Variants in BDNF observed in about 807,000 individuals in gnomAD.
The protein encoded by BDNF is brain derived neurotrophic factor.
BDNF carries 1 observed loss-of-function variant against 19.5 expected under a neutral mutation model. That is an observed-to-expected ratio of 0.05 (90% CI 0.02 to 0.24). The LOEUF (loss-of-function observed/expected upper bound fraction) is 0.24, where lower values mean the gene tolerates loss of function less well. BDNF is among the 10% of genes least tolerant of loss of function. The probability of loss-of-function intolerance (pLI) is 1.00; values close to 1 mark genes in which losing one functional copy is unlikely to be tolerated. For synonymous variants in BDNF, 100 were observed against 121.6 expected (o/e 0.82, Z 1.17); for missense variants, 195 against 317.6 (o/e 0.61, Z 2.93).
At chr11:27,674,818 G>A (rs771382101) in intron 1 of BDNF, 1 of 945,056 alleles carries the variant, frequency 1.1e-6, no homozygotes, top group Admixed American at 6.2e-5. Flanking sequence ...TTACATAGTT[G>A]CTATAATAAA....
intron 1 of BDNF, among the ~76,000 whole-genome samples, chr11:27,718,362 C>CCA (rs1246181540): frequency 2.8e-5 from 4 of 145,086 alleles, no homozygotes; most frequent in Admixed American, 6.8e-5. Context: ...CCACCCCCCC[C>CCA]CGCCCCTCCC....
intron 1 of BDNF, among the ~76,000 whole-genome samples, chr11:27,687,348 A>G (rs1857611981): frequency 6.6e-6 from 1 of 152,128 alleles, no homozygotes; most frequent in South Asian, 2.1e-4. Flanking sequence ...GCATTGGGTT[A>G]GAGCATGCTC....
At chr11:27,675,479 T>A (rs1356673439) in intron 1 of BDNF, 1 of 152,162 alleles carries the variant, frequency 6.6e-6, no homozygotes, top group African/African-American at 2.4e-5. Flanking sequence ...CAAATACTCC[T>A]CTGTCAACTC....
chr11:27,685,407 G>A (rs1857357383), intron 1 of BDNF, among the ~76,000 whole-genome samples: 1 of 152,026 alleles, frequency 6.6e-6, no homozygotes. Flanking sequence ...CTTCAGTTCT[G>A]CTCTGATCTT....
At chr11:27,679,403 CATTT>C (rs1856585422) in intron 1 of BDNF, among the ~76,000 whole-genome samples, 1 of 152,172 alleles carries the variant, frequency 6.6e-6, no homozygotes, top group Non-Finnish European at 1.5e-5. Flanking sequence ...ATGAATTAGT[CATTT>C]ATTCATTCAG....
At chr11:27,697,351 A>T (rs1859217338) in intron 1 of BDNF, 1 of 152,212 alleles carries the variant, frequency 6.6e-6, no homozygotes. Context: ...TTGACTATTG[A>T]AAAGCTGGGA....
intron 1 of BDNF, among the ~76,000 whole-genome samples, chr11:27,670,292 A>T (rs576713924): frequency 1.1e-4 from 17 of 152,348 alleles, no homozygotes; most frequent in Middle Eastern, 3.4e-3. Flanking sequence ...GTTAGACCTA[A>T]AACCATAAAA....
chr11:27,697,143 GCA>G (rs138533217), intron 1 of BDNF, among the ~76,000 whole-genome samples: 7,223 of 140,790 alleles, frequency 0.051, 448 homozygotes, highest in Admixed American at 0.12. Context: ...GCACGTGCAC[GCA>G]CACACACACA....
intron 1 of BDNF, among the ~76,000 whole-genome samples, chr11:27,680,833 C>G (rs946727019): frequency 6.6e-6 from 1 of 152,174 alleles, no homozygotes; most frequent in African/African-American, 2.4e-5. Context: ...TTACATACTT[C>G]TGGTAATCAA....
At chr11:27,700,766 T>C, upstream of BDNF, 1 of 1,194,264 alleles carries the variant, frequency 8.4e-7, no homozygotes, top group South Asian at 1.5e-5. Flanking sequence ...CGAGGGGTGT[T>C]CCAGCCCCAG....
intron 1 of BDNF, among the ~76,000 whole-genome samples, chr11:27,671,171 G>C (rs376527130): frequency 5.3e-5 from 8 of 152,202 alleles, no homozygotes; most frequent in Non-Finnish European, 7.4e-5. Flanking sequence ...GTAGGGGTAG[G>C]GGGGAGGGAT....
At chr11:27,680,852 C>T (rs1856754285) in intron 1 of BDNF, among the ~76,000 whole-genome samples, 1 of 152,132 alleles carries the variant, frequency 6.6e-6, no homozygotes, top group Non-Finnish European at 1.5e-5. Flanking sequence ...AATTATCTTC[C>T]TTCTCCCCTT....
At chr11:27,720,137 T>G (rs1428791394) in intron 1 of BDNF, among the ~76,000 whole-genome samples, 1 of 152,150 alleles carries the variant, frequency 6.6e-6, no homozygotes, top group Admixed American at 6.5e-5. Flanking sequence ...ACTCATTATA[T>G]CCGCAGGAAG....
At chr11:27,663,532 G>T (rs924387409) in intron 1 of BDNF, among the ~76,000 whole-genome samples, 2 of 152,186 alleles carry the variant, frequency 1.3e-5, no homozygotes, top group Non-Finnish European at 2.9e-5. Context: ...TTGTCTAAGA[G>T]ACTATAGAAC....
Position 27,657,908 on chromosome 11 carries a change from G to A in BDNF, c.657C>T (p.Thr219=), listed in dbSNP as rs1852783440. The part of the protein sequence containing the change: ...RTTQSYVRAL[T]MDSKKRIGWR... The stretch of plus-strand genomic sequence containing the variant: ...AGCCAATTCTCTTTTTGCTATCCAT[G>A]GTAAGGGCCCGCACGTACGACTGGG... Residue 219 remains threonine (T), a synonymous_variant, in exon 2 of 2, where the codon ACC becomes ACT. Coordinates refer to ENST00000356660, the MANE Select transcript of BDNF (RefSeq NM_001709.5). This position sits in a 1 kb window ranked among gnomAD's most constrained non-coding sequence, Gnocchi z 5.0. 2.5e-6 allele frequency: 4 copies of A among 1,613,992 alleles called. No individual in the cohort carries two copies. The highest frequency in any genetic ancestry group is 3.4e-6 in the Non-Finnish European group (4 of 1,180,024).
Position 27,657,431 on chromosome 11 carries a change from T to G in BDNF, c.*390A>C, listed in dbSNP as rs190394666. On this transcript the variant is annotated 3_prime_UTR_variant, in exon 2 of 2. Transcript: ENST00000356660. This position sits in a 1 kb window ranked among gnomAD's most constrained non-coding sequence, Gnocchi z 5.0. The stretch of plus-strand genomic sequence containing the variant: ...TACTGTCTAAAATGTAAACGGAATG[T>G]TTTGGTTCAAATTTTTGTTGTGTGT... 28 of 1,043,098 alleles carry G rather than the reference T, an allele frequency of 2.7e-5. No homozygotes were observed. In the East Asian group the frequency reaches 2.3e-3, roughly 87 times the overall value. The allele number at this position is 1,043,098 out of a possible 1,614,324, so 64.6% of individuals were successfully genotyped here.
At chr11:27,695,669 T>G (rs1312667818) in intron 1 of BDNF, among the ~76,000 whole-genome samples, 1 of 152,190 alleles carries the variant, frequency 6.6e-6, no homozygotes, top group Non-Finnish European at 1.5e-5. Flanking sequence ...AATAAACTTT[T>G]ACTTTATTAT....
intron 1 of BDNF, among the ~76,000 whole-genome samples, chr11:27,679,329 C>T (rs930534508): frequency 1.3e-5 from 2 of 152,162 alleles, no homozygotes; most frequent in Admixed American, 6.6e-5. Flanking sequence ...CAAGCCGAGG[C>T]CTCCTCTTAC....
chr11:27,689,535 T>C (rs1186956021), intron 1 of BDNF, among the ~76,000 whole-genome samples: 1 of 152,192 alleles, frequency 6.6e-6, no homozygotes, highest in African/African-American at 2.4e-5. Context: ...ACCAGCTGAA[T>C]TTTGGTCTCA....
Sources: allele counts gnomAD v4.1 joint callset (sites outside exome capture counted in the v4.1 genomes callset), GRCh38; gene constraint gnomAD v4.1.1; non-coding constraint Gnocchi (gnomAD v3.1); transcripts MANE v1.5; gene names NCBI Gene and HGNC (gene_info 2026-07-23, HGNC 2026-07-21).